Variants in CAST observed in about 807,000 individuals in gnomAD.
The protein encoded by CAST is MIR583 host.
In CAST, 76 loss-of-function variants were observed where a neutral mutation model predicts 119.6. The ratio of observed to expected loss-of-function variants is 0.64; its 90% CI spans 0.53 to 0.77. CAST has a LOEUF of 0.77. Ranked by LOEUF, CAST falls within the 30% of genes least tolerant of loss-of-function variation. CAST has a pLI of 0.00. For missense variants in CAST, 953 were observed against 946.5 expected, an observed-to-expected ratio of 1.01 and a Z score of -0.09; for synonymous variants, 319 against 331.6, an observed-to-expected ratio of 0.96 and a Z score of 0.41.
chr5:96,197,909 C>G, the CAST span, among the ~76,000 whole-genome samples: 1 of 152,146 alleles, frequency 6.6e-6, no homozygotes, highest in Non-Finnish European at 1.5e-5. Context: ...CAGGTGTGCA[C>G]CACCACACTT....
chr5:96,727,470 T>C lies in CAST; in HGVS notation c.337-19T>C, dbSNP rs1759481285. ...TCTTTTCTTCCTTCCTTTTTTTCTT[T>C]CTTTTTTTCTGAACTTAGGCTGTAA... On this transcript the variant is annotated intron_variant, in intron 5 of 31. Coordinates refer to ENST00000675179, the MANE Select transcript of CAST (RefSeq NM_001750.7). 3 of 1,446,748 alleles carry C rather than the reference T, an allele frequency of 2.1e-6. No homozygotes were observed. Among genetic ancestry groups the C allele is most frequent in the Non-Finnish European group, 2.8e-6 (3 of 1,055,906 alleles). 89.6% of individuals were successfully genotyped at this position (1,446,748 alleles called of 1,614,324 possible). A position where few individuals can be genotyped will look rare whatever the true frequency, so the allele number is the denominator to read the frequency against.
the CAST span, among the ~76,000 whole-genome samples, chr5:96,280,110 T>C: frequency 6.6e-6 from 1 of 152,194 alleles, no homozygotes; most frequent in Non-Finnish European, 1.5e-5. Flanking sequence ...CTCCTTGAAA[T>C]GGTAAATTAT....
At chr5:96,316,466 C>G in the CAST span, among the ~76,000 whole-genome samples, 3 of 152,066 alleles carry the variant, frequency 2.0e-5, no homozygotes, top group Admixed American at 6.5e-5. Flanking sequence ...GCAGGGGAAC[C>G]ACAATAAGAT....
chr5:96,408,018 T>C, the CAST span, among the ~76,000 whole-genome samples: 1 of 152,216 alleles, frequency 6.6e-6, no homozygotes, highest in Non-Finnish European at 1.5e-5. Context: ...TATATTAAGA[T>C]CCCAATTTTG....
the CAST span, among the ~76,000 whole-genome samples, chr5:96,055,578 A>G: frequency 6.6e-6 from 1 of 151,662 alleles, no homozygotes; most frequent in Non-Finnish European, 1.5e-5. Flanking sequence ...TATACCTTCT[A>G]TTCAGCTCCT....
At chr5:96,719,496 C>T (rs779382840) in intron 3 of CAST, among the ~76,000 whole-genome samples, 11 of 152,124 alleles carry the variant, frequency 7.2e-5, no homozygotes, top group African/African-American at 9.7e-5. Context: ...GTTGAATAGG[C>T]GGGTGAGTGG....
chr5:96,414,636 A>G, the CAST span, among the ~76,000 whole-genome samples: 3 of 152,330 alleles, frequency 2.0e-5, no homozygotes, highest in African/African-American at 7.2e-5. Flanking sequence ...CTTGTGTTTC[A>G]GTTCTACACT....
the CAST span, chr5:95,980,674 A>G: frequency 2.0e-5 from 3 of 152,234 alleles, no homozygotes; most frequent in Non-Finnish European, 4.4e-5. Flanking sequence ...GCAGATTCAC[A>G]TAGGGCCTCG....
intron 18 of CAST, 74 bp downstream of exon 18, chr5:96,747,466 A>T: frequency 2.0e-6 from 2 of 1,016,078 alleles, no homozygotes; most frequent in Non-Finnish European, 3.1e-6. Flanking sequence ...TAATTTTGAC[A>T]GTCTGGAATT....
At chr5:96,586,054 A>G (rs1356717156) in intron 1 of CAST, among the ~76,000 whole-genome samples, 1 of 152,194 alleles carries the variant, frequency 6.6e-6, no homozygotes, top group Admixed American at 6.5e-5. Flanking sequence ...AGGCACTTAC[A>G]TATATTGTCT....
chr5:96,748,688 T>C, intron 19 of CAST, 75 bp downstream of exon 19: 1 of 719,594 alleles, frequency 1.4e-6, no homozygotes, highest in South Asian at 1.7e-5. Flanking sequence ...CAGACTGTTT[T>C]AGCATCAAGC....
the CAST span, among the ~76,000 whole-genome samples, chr5:96,389,646 G>C: frequency 6.6e-6 from 1 of 152,060 alleles, no homozygotes; most frequent in Admixed American, 6.6e-5. Flanking sequence ...ATCAAAGTTG[G>C]GAATTGGGGC....
In CAST at chr5:96,619,748, A is replaced by G. The variant is rs146173376; in HGVS notation, c.61-55791A>G. Among the ~76,000 whole-genome samples the G allele has an allele frequency of 3.3e-5, 5 of 152,262 alleles. No homozygotes were observed. In the East Asian group the frequency reaches 5.8e-4, roughly 18 times the overall value. ...AGGCACACCATCTTTAAGAAGGGTA[A>G]CACTCACCGCGAGGGTCCGTGGCTT... On this transcript the variant is annotated intron_variant, in intron 1 of 11. Transcript: ENST00000505143.
chr5:96,223,898 TAAC>T, the CAST span, among the ~76,000 whole-genome samples: 36 of 152,340 alleles, frequency 2.4e-4, no homozygotes, highest in East Asian at 3.9e-3. Flanking sequence ...TTCATGGAAT[TAAC>T]AAGCAGGTTA....
chr5:96,754,219 G>A (rs1765786588), intron 21 of CAST, 58 bp downstream of exon 21: 1 of 1,016,214 alleles, frequency 9.8e-7, no homozygotes, highest in Non-Finnish European at 1.6e-6. Flanking sequence ...TTCTCCCCCT[G>A]CAAATAAGTT....
chr5:96,686,965 A>G (rs1752154159), intron 2 of CAST, among the ~76,000 whole-genome samples: 1 of 152,122 alleles, frequency 6.6e-6, no homozygotes, highest in Non-Finnish European at 1.5e-5. Flanking sequence ...AATTCCATGT[A>G]CATCATTCTC....
chr5:96,088,861 C>T, the CAST span, among the ~76,000 whole-genome samples: 1 of 151,962 alleles, frequency 6.6e-6, no homozygotes, highest in Non-Finnish European at 1.5e-5. Context: ...ACAGCCTGGC[C>T]TGGCCTTGTT....
At chr5:96,317,733 A>G in the CAST span, among the ~76,000 whole-genome samples, 21 of 152,264 alleles carry the variant, frequency 1.4e-4, no homozygotes, top group Admixed American at 2.0e-4. Flanking sequence ...CTGACTTGGC[A>G]TTTTAGTATA....
chr5:96,494,215 C>T, the CAST span, among the ~76,000 whole-genome samples: 4 of 152,262 alleles, frequency 2.6e-5, no homozygotes, highest in South Asian at 2.1e-4. Flanking sequence ...CGATGAACTA[C>T]CTTGTAGCAA....
Sources: gnomAD v4.1 joint callset for allele counts (sites outside exome capture counted in the v4.1 genomes callset) on GRCh38, gnomAD v4.1.1 for gene constraint, MANE v1.5 for transcripts, NCBI Gene and HGNC (gene_info 2026-07-23, HGNC 2026-07-21) for gene names.